ZNF736: variants seen among roughly 807,000 people sequenced by gnomAD.
ZNF736 encodes the protein KRAB-containing zinc-finger repressor protein.
In ZNF736, 6 loss-of-function variants were observed where a neutral mutation model predicts 11.7. The observed-to-expected ratio is 0.51, with a 90% CI of 0.28 to 1.01. The LOEUF (loss-of-function observed/expected upper bound fraction) is 1.01, where lower values mean the gene tolerates loss of function less well. Among genes scored for constraint, ZNF736 ranks in the 50% least tolerant of loss-of-function variants. ZNF736 has a pLI of 0.09. For synonymous variants in ZNF736, 139 were observed against 164.7 expected (o/e 0.84, Z 1.19); for missense variants, 444 against 496.0 (o/e 0.90, Z 1.00).
chr7:64,348,761 C>T lies in ZNF736; in HGVS notation c.898C>T (p.Leu300Phe), dbSNP rs758331389. ...CAAAGCCTATAGGTGGTTCTCAGAC[C>T]TTGCTAAACATAAGATAATTCATAC... ...CNKAYRWFSD[L>F]AKHKIIHTGD... Residue 300 changes from leucine (L) to phenylalanine (F), a missense_variant, in exon 4 of 4, where the codon CTT (leucine) becomes TTT (phenylalanine). Physicochemically the swap from Leu to Phe is conservative, Grantham distance 22 (BLOSUM62 0). Transcript: ENST00000423484. 23 of 1,594,866 alleles carry T rather than the reference C, an allele frequency of 1.4e-5. No homozygotes were observed. The highest frequency in any genetic ancestry group is 1.1e-4 in the Admixed American group (6 of 56,912).
chr7:64,334,434 A>G (rs1023835530), intron 1 of ZNF736, among the ~76,000 whole-genome samples: 2 of 152,224 alleles, frequency 1.3e-5, no homozygotes, highest in African/African-American at 2.4e-5. Context: ...CAAGGAACTT[A>G]AATAAATTTA....
At chr7:64,315,148 G>T (rs1428352501) in intron 1 of ZNF736, among the ~76,000 whole-genome samples, 2 of 152,158 alleles carry the variant, frequency 1.3e-5, no homozygotes, top group Admixed American at 6.5e-5. Context: ...TCTGGGTGGG[G>T]CCTCCCCAGA....
intron 3 of ZNF736, among the ~76,000 whole-genome samples, chr7:64,338,549 A>G (rs1789291704): frequency 6.6e-6 from 1 of 152,176 alleles, no homozygotes; most frequent in Non-Finnish European, 1.5e-5. Flanking sequence ...CTCTTCTTCT[A>G]GGAGTCCAAC....
intron 3 of ZNF736, among the ~76,000 whole-genome samples, chr7:64,337,521 T>G (rs1789271396): frequency 6.6e-6 from 1 of 152,144 alleles, no homozygotes; most frequent in African/African-American, 2.4e-5. Flanking sequence ...TTATACTCAG[T>G]AATTATATCA....
At chr7:64,314,757 C>T (rs1327977283) in intron 1 of ZNF736, among the ~76,000 whole-genome samples, 1 of 152,094 alleles carries the variant, frequency 6.6e-6, no homozygotes, top group East Asian at 1.9e-4. Context: ...TAGAGACAGG[C>T]TTTTGCCATG....
intron 3 of ZNF736, among the ~76,000 whole-genome samples, chr7:64,344,366 A>G (rs540536814): frequency 1.3e-5 from 2 of 152,214 alleles, no homozygotes; most frequent in Non-Finnish European, 2.9e-5. Flanking sequence ...AGCTTTGTTA[A>G]GTATATTGAC....
At position 64,354,017 on chromosome 7, in the gene ZNF736, A is replaced by G. The variant is rs1211272291; in HGVS notation, c.*4870A>G. 1 of 152,216 alleles carries G rather than the reference A, an allele frequency of 6.6e-6. No homozygotes were observed. 9.4% of individuals were successfully genotyped at this position (152,216 alleles called of 1,614,324 possible). On this transcript the variant is annotated 3_prime_UTR_variant, in exon 4 of 4. Transcript: ENST00000423484. ...AGGTAACAATATACTATTGGGTGAC[A>G]GTGGACTAACATCTCTAGTGATCCC...
intron 1 of ZNF736, among the ~76,000 whole-genome samples, chr7:64,324,760 C>T (rs912900381): frequency 6.6e-6 from 1 of 152,196 alleles, no homozygotes; most frequent in Non-Finnish European, 1.5e-5. Context: ...GAGCCTAACC[C>T]TTTCTGAGCC....
intron 1 of ZNF736, among the ~76,000 whole-genome samples, chr7:64,317,129 C>T (rs1390111746): frequency 1.3e-5 from 2 of 152,132 alleles, no homozygotes; most frequent in African/African-American, 4.8e-5. Flanking sequence ...TTTATGTGTA[C>T]ACAATAAAAA....
chr7:64,320,453 G>GT (rs566049272), intron 1 of ZNF736, among the ~76,000 whole-genome samples: 14 of 151,896 alleles, frequency 9.2e-5, no homozygotes, highest in East Asian at 1.9e-4. Context: ...TGTATGTAAT[G>GT]TTTTTTTGCC....
chr7:64,319,455 G>T (rs1788970793), intron 1 of ZNF736, among the ~76,000 whole-genome samples: 2 of 119,466 alleles, frequency 1.7e-5, no homozygotes, highest in African/African-American at 3.0e-5. Flanking sequence ...TTTAAAATTA[G>T]ATTTTACCCA....
At chr7:64,334,153 G>T (rs1789213570) in intron 1 of ZNF736, among the ~76,000 whole-genome samples, 1 of 152,108 alleles carries the variant, frequency 6.6e-6, no homozygotes, top group African/African-American at 2.4e-5. Flanking sequence ...ACTCAAGATG[G>T]ATTAAAGACT....
chr7:64,338,402 A>C (rs1343575569), intron 3 of ZNF736, among the ~76,000 whole-genome samples: 1 of 152,194 alleles, frequency 6.6e-6, no homozygotes, highest in Non-Finnish European at 1.5e-5. Context: ...AGCATACATA[A>C]CAGTATTACT....
intron 1 of ZNF736, among the ~76,000 whole-genome samples, chr7:64,331,683 A>G (rs1040143873): frequency 1.3e-5 from 2 of 152,200 alleles, no homozygotes; most frequent in African/African-American, 4.8e-5. Context: ...ATATGAGGCT[A>G]AGGTGAGCCC....
intron 1 of ZNF736, among the ~76,000 whole-genome samples, chr7:64,331,907 A>G (rs755667533): frequency 1.3e-5 from 2 of 152,168 alleles, no homozygotes; most frequent in Non-Finnish European, 2.9e-5. Context: ...GTTTTTATGT[A>G]GGATTTTACT....
chr7:64,333,961 A>G (rs1470138858), intron 1 of ZNF736, among the ~76,000 whole-genome samples: 4 of 152,196 alleles, frequency 2.6e-5, no homozygotes, highest in Middle Eastern at 3.2e-3. Context: ...GACCAATGTA[A>G]CAGAACAGAG....
chr7:64,327,891 A>G (rs1360770301), intron 1 of ZNF736, among the ~76,000 whole-genome samples: 1 of 152,198 alleles, frequency 6.6e-6, no homozygotes, highest in Non-Finnish European at 1.5e-5. Flanking sequence ...TTTATATCTT[A>G]TACTGTCTAT....
At chr7:64,344,958 T>G (rs1021357597) in intron 3 of ZNF736, among the ~76,000 whole-genome samples, 2 of 151,166 alleles carry the variant, frequency 1.3e-5, no homozygotes, top group Non-Finnish European at 2.9e-5. Context: ...TACCTTGAGA[T>G]CTTATGTAAT....
At chr7:64,344,511 T>A (rs1328264816) in intron 3 of ZNF736, among the ~76,000 whole-genome samples, 1 of 152,216 alleles carries the variant, frequency 6.6e-6, no homozygotes, top group Non-Finnish European at 1.5e-5. Flanking sequence ...AGGATGTAAC[T>A]ATTTTACATA....
Sources: gnomAD v4.1 joint callset for allele counts (sites outside exome capture counted in the v4.1 genomes callset) on GRCh38, gnomAD v4.1.1 for gene constraint, MANE v1.5 for transcripts, NCBI Gene and HGNC (gene_info 2026-07-23, HGNC 2026-07-21) for gene names.